The following PCLO variants were observed in gnomAD, a reference collection of about 807,000 sequenced individuals.
PCLO encodes the protein piccolo presynaptic cytomatrix protein.
A neutral mutation model predicts 427.5 loss-of-function variants in PCLO; 82 were observed. The observed-to-expected ratio is 0.19, with a 90% CI of 0.16 to 0.23. The LOEUF (loss-of-function observed/expected upper bound fraction) is 0.23, where lower values mean the gene tolerates loss of function less well. Ranked by LOEUF, PCLO falls within the 10% of genes least tolerant of loss-of-function variation. PCLO has a pLI of 1.00. For missense variants in PCLO, 6,239 were observed against 6,115.9 expected (o/e 1.02, Z -0.67); for synonymous variants, 2,357 against 2,155.4 (o/e 1.09, Z -2.59).
At chr7:82,941,601 G>A (rs904297668) in intron 6 of PCLO, among the ~76,000 whole-genome samples, 1 of 151,798 alleles carries the variant, frequency 6.6e-6, no homozygotes. Context: ...GCAACTGCAT[G>A]TGAAAATATT....
At chr7:83,144,623 A>G (rs1377090755) in intron 2 of PCLO, among the ~76,000 whole-genome samples, 1 of 152,212 alleles carries the variant, frequency 6.6e-6, no homozygotes, top group African/African-American at 2.4e-5. Flanking sequence ...ATTATGATTA[A>G]TCCGATTAAT....
chr7:82,806,110 C>T (rs1205956953), intron 20 of PCLO, among the ~76,000 whole-genome samples: 1 of 151,976 alleles, frequency 6.6e-6, no homozygotes, highest in Non-Finnish European at 1.5e-5. Flanking sequence ...AACTATGCTA[C>T]TATTATTATT....
rs1330367438 is a variant in PCLO, at chr7:82,915,769, G to C, written c.12217C>G (p.Leu4073Val). Residue 4073 changes from leucine to valine, a missense_variant, in exon 7 of 25, where the codon CTG becomes GTG. Physicochemically the swap from Leu to Val is conservative, Grantham distance 32 (BLOSUM62 1). Around this residue, in one of 5 missense-constraint regions of PCLO, gnomAD observed 680 missense variants for 677.3 expected, o/e 1.00. Coordinates refer to ENST00000333891, the MANE Select transcript of PCLO (RefSeq NM_033026.6). ...CGAAGGAGACGGTCTGTTTTTGACA[G>C]ATCCTTTTCATGAAGGCTAAATGCG... Reference protein sequence around the residue: ...STAFSLHEKDLSKTDRLLRTT... With the variant: ...STAFSLHEKDVSKTDRLLRTT... 1 of 1,612,336 alleles carries C rather than the reference G, an allele frequency of 6.2e-7. No individual in the cohort carries two copies. The highest frequency in any genetic ancestry group is 2.2e-5 in the East Asian group (1 of 44,640).
At chr7:82,760,838 G>GA in intron 23 of PCLO, 54 bp from the exon 24 acceptor site, 1 of 948,432 alleles carries the variant, frequency 1.1e-6, no homozygotes, top group Non-Finnish European at 1.5e-6. Flanking sequence ...AATTTCTATT[G>GA]AAAGAATTAT....
intron 3 of PCLO, among the ~76,000 whole-genome samples, chr7:83,064,436 G>A (rs1789614369): frequency 6.6e-6 from 1 of 151,882 alleles, no homozygotes; most frequent in African/African-American, 2.4e-5. Context: ...TATGGATTTC[G>A]GATTCTCTTT....
At chr7:83,157,000 T>A (rs190482848) in intron 1 of PCLO, among the ~76,000 whole-genome samples, 1 of 152,152 alleles carries the variant, frequency 6.6e-6, no homozygotes, top group Non-Finnish European at 1.5e-5. Flanking sequence ...GGAGTTTACA[T>A]GATGCTTTCC....
intron 3 of PCLO, among the ~76,000 whole-genome samples, chr7:83,121,464 A>C (rs1791277452): frequency 6.6e-6 from 1 of 152,092 alleles, no homozygotes; most frequent in Non-Finnish European, 1.5e-5. Flanking sequence ...AAAAGAAAGA[A>C]GAGAAAACCA....
At chr7:83,065,947 G>C (rs1789660359) in intron 3 of PCLO, among the ~76,000 whole-genome samples, 3 of 152,046 alleles carry the variant, frequency 2.0e-5, no homozygotes, top group Non-Finnish European at 4.4e-5. Flanking sequence ...GTTTTCAGTA[G>C]ACTCTCATAG....
chr7:83,134,491 C>A lies in PCLO; in HGVS notation c.3059G>T (p.Arg1020Ile). 1 of 1,613,368 alleles carries A rather than the reference C, an allele frequency of 6.2e-7. No homozygotes were observed. Among genetic ancestry groups the A allele is most frequent in the Middle Eastern group, 1.7e-4 (1 of 6,060 alleles). ...PKAEQAPTVK[R>I]TETEKKPPPI... ...TGGTGGCTTTTTTTCTGTTTCTGTT[C>A]TTTTTACTGTTGGAGCTTGTTCAGC... The change falls in exon 3 of 25, where the codon AGA becomes ATA. Residue 1020 changes from arginine (R) to isoleucine (I), a missense_variant. Around this residue, in one of 5 missense-constraint regions of PCLO, gnomAD observed 4,677 missense variants for 4,468.4 expected, o/e 1.05. Transcript: ENST00000333891.
At chr7:83,099,657 C>T (rs2116481692) in intron 3 of PCLO, among the ~76,000 whole-genome samples, 1 of 152,166 alleles carries the variant, frequency 6.6e-6, no homozygotes, top group East Asian at 1.9e-4. Flanking sequence ...TCCTGAAGTG[C>T]AGGGATTACA....
chr7:82,946,939 G>A (rs1469094751), intron 6 of PCLO, among the ~76,000 whole-genome samples: 1 of 152,130 alleles, frequency 6.6e-6, no homozygotes, highest in African/African-American at 2.4e-5. Context: ...GGTGGCTCTG[G>A]TCTATGATCC....
At chr7:83,133,697 A>G (rs1307103275) in intron 3 of PCLO, among the ~76,000 whole-genome samples, 1 of 151,974 alleles carries the variant, frequency 6.6e-6, no homozygotes, top group Non-Finnish European at 1.5e-5. Context: ...TTGAACCACT[A>G]TTTTCTAATA....
intron 3 of PCLO, among the ~76,000 whole-genome samples, chr7:83,131,196 CTAAAA>C (rs1791562915): frequency 6.6e-6 from 1 of 152,082 alleles, no homozygotes; most frequent in East Asian, 1.9e-4. Context: ...AAATTAAAGC[CTAAAA>C]GAATTGTCTC....
At chr7:83,083,491 T>C (rs1790155858) in intron 3 of PCLO, among the ~76,000 whole-genome samples, 1 of 152,052 alleles carries the variant, frequency 6.6e-6, no homozygotes, top group Non-Finnish European at 1.5e-5. Context: ...TTGAGGTTTT[T>C]CATACTGCAT....
At chr7:83,078,183 C>T (rs1790004289) in intron 3 of PCLO, among the ~76,000 whole-genome samples, 2 of 152,036 alleles carry the variant, frequency 1.3e-5, no homozygotes, top group Admixed American at 1.3e-4. Context: ...CACTGTCATC[C>T]TATAATCAAC....
intron 3 of PCLO, among the ~76,000 whole-genome samples, chr7:82,979,346 G>A (rs913976073): frequency 8.5e-5 from 13 of 152,078 alleles, no homozygotes; most frequent in Non-Finnish European, 1.5e-4. Context: ...GATTTTTATT[G>A]ATGACATAAT....
intron 10 of PCLO, among the ~76,000 whole-genome samples, chr7:82,857,384 T>G (rs1418519117): frequency 6.6e-6 from 1 of 152,166 alleles, no homozygotes; most frequent in Admixed American, 6.6e-5. Context: ...TAACTTCAGT[T>G]ATGTTGATAA....
chr7:82,764,669 A>C (rs1350240959), intron 22 of PCLO, among the ~76,000 whole-genome samples: 1 of 151,908 alleles, frequency 6.6e-6, no homozygotes, highest in African/African-American at 2.4e-5. Context: ...ATAAAACAGA[A>C]TTCAGGCCAA....
At chr7:82,759,503 A>G (rs887956944) in intron 24 of PCLO, among the ~76,000 whole-genome samples, 3 of 151,836 alleles carry the variant, frequency 2.0e-5, no homozygotes, top group Non-Finnish European at 4.4e-5. Context: ...CTTCTTATCA[A>G]ATTCATTTCG....
Sources: gnomAD v4.1 joint callset for allele counts (sites outside exome capture counted in the v4.1 genomes callset) on GRCh38, gnomAD v4.1.1 for gene constraint, gnomAD v4.1.1 regional missense constraint, MANE v1.5 for transcripts, NCBI Gene and HGNC (gene_info 2026-07-23, HGNC 2026-07-21) for gene names.